The following GRID2 variants were observed in gnomAD, a reference collection of about 807,000 sequenced individuals.
GRID2 encodes glutamate ionotropic receptor delta type subunit 2, also known as glutamate receptor ionotropic, delta-2.
GRID2 carries 33 observed loss-of-function variants against 114.8 expected under a neutral mutation model. The ratio of observed to expected loss-of-function variants is 0.29; its 90% CI spans 0.22 to 0.38. The LOEUF is 0.38. Ranked by LOEUF, GRID2 falls within the 10% of genes least tolerant of loss-of-function variation. The probability of loss-of-function intolerance (pLI) is 1.00; values close to 1 mark genes in which losing one functional copy is unlikely to be tolerated. For synonymous variants in GRID2, 505 were observed against 449.9 expected (o/e 1.12, Z -1.55); for missense variants, 1,184 against 1,257.7 (o/e 0.94, Z 0.89).
At chr4:92,509,688 C>G (rs376675247) in intron 1 of GRID2, among the ~76,000 whole-genome samples, 1 of 151,846 alleles carries the variant, frequency 6.6e-6, no homozygotes, top group African/African-American at 2.4e-5. Flanking sequence ...TTGAAAAGGG[C>G]ATTTCTTTGG....
intron 4 of GRID2, among the ~76,000 whole-genome samples, chr4:93,198,028 A>G (rs1741677959): frequency 6.6e-6 from 1 of 152,128 alleles, no homozygotes; most frequent in Non-Finnish European, 1.5e-5. Context: ...GTTTAGTCCT[A>G]GGTGAGGTAT....
chr4:92,631,003 G>T (rs575440570), intron 2 of GRID2, among the ~76,000 whole-genome samples: 1 of 150,402 alleles, frequency 6.6e-6, no homozygotes, highest in East Asian at 2.0e-4. Context: ...GAGTATTAAT[G>T]AGTATAATGA....
At chr4:92,821,525 C>G (rs1578238109) in intron 2 of GRID2, among the ~76,000 whole-genome samples, 1 of 151,956 alleles carries the variant, frequency 6.6e-6, no homozygotes, top group South Asian at 2.1e-4. Flanking sequence ...GGTAATTGAT[C>G]TTGATTTCAG....
chr4:92,888,932 C>T (rs536042128), intron 2 of GRID2, among the ~76,000 whole-genome samples: 3 of 151,900 alleles, frequency 2.0e-5, no homozygotes, highest in Non-Finnish European at 4.4e-5. Flanking sequence ...CAGATATACA[C>T]ATTTTACAGG....
At chr4:93,224,436 G>C (rs563352286) in intron 6 of GRID2, among the ~76,000 whole-genome samples, 178 bp from the exon 7 acceptor site, 1 of 152,194 alleles carries the variant, frequency 6.6e-6, no homozygotes, top group South Asian at 2.1e-4. Flanking sequence ...AATCAGACAA[G>C]ACTTCATTCT....
intron 2 of GRID2, among the ~76,000 whole-genome samples, chr4:92,727,643 G>A (rs1319834512): frequency 1.3e-5 from 2 of 151,930 alleles, no homozygotes; most frequent in African/African-American, 4.8e-5. Context: ...TGTGTACTTG[G>A]CAATTATAAC....
rs1184003180 is a variant in GRID2 at position 93,638,301 on chromosome 4, C to CTTT, written c.2360+11882_2360+11884dup. 1.3e-4 allele frequency among the ~76,000 whole-genome samples: 10 copies of CTTT among 77,314 alleles called. 1 individual carries two copies. The highest frequency in any genetic ancestry group is 4.1e-4 in the African/African-American group (6 of 14,778). The allele number at this position is 77,314 out of a possible 152,430, so 50.7% of individuals were successfully genotyped here. A position where few individuals can be genotyped will look rare whatever the true frequency, so the allele number is the denominator to read the frequency against. On this transcript the variant is annotated intron_variant, in intron 14 of 15. Coordinates refer to ENST00000282020, the MANE Select transcript of GRID2 (RefSeq NM_001510.4). ...AAGAAAACATATTTAAAACTTGCAT[C>CTTT]TTTTTTTTTTTTTTTTTTAATTATA...
chr4:92,655,466 A>T (rs923865682), intron 2 of GRID2, among the ~76,000 whole-genome samples: 1 of 151,896 alleles, frequency 6.6e-6, no homozygotes, highest in African/African-American at 2.4e-5. Context: ...TCTGCAGATT[A>T]CTTTGAGTAA....
At chr4:93,263,363 T>A (rs1268491113) in intron 8 of GRID2, among the ~76,000 whole-genome samples, 1 of 152,040 alleles carries the variant, frequency 6.6e-6, no homozygotes, top group African/African-American at 2.4e-5. Context: ...ACTCATACCA[T>A]CTGCTTCCTC....
chr4:93,596,817 G>A (rs1429940787), intron 13 of GRID2, among the ~76,000 whole-genome samples: 4 of 152,172 alleles, frequency 2.6e-5, no homozygotes, highest in Non-Finnish European at 2.9e-5. Context: ...CAGATTTAAT[G>A]TATTACATGG....
chr4:93,432,939 G>T (rs1769562141), intron 10 of GRID2, among the ~76,000 whole-genome samples: 1 of 152,080 alleles, frequency 6.6e-6, no homozygotes, highest in Admixed American at 6.6e-5. Flanking sequence ...ACATGGTGGT[G>T]CATGGCTCTA....
chr4:93,372,536 C>CT (rs2149294317), intron 8 of GRID2, among the ~76,000 whole-genome samples: 1 of 152,118 alleles, frequency 6.6e-6, no homozygotes, highest in Admixed American at 6.5e-5. Context: ...CTTCTTTTCT[C>CT]TTTTTTCTGG....
chr4:93,545,542 T>G (rs1047930951), intron 13 of GRID2, among the ~76,000 whole-genome samples: 6 of 152,108 alleles, frequency 3.9e-5, no homozygotes, highest in African/African-American at 1.4e-4. Flanking sequence ...TGATTAGGAG[T>G]TTGAATCTTA....
intron 8 of GRID2, among the ~76,000 whole-genome samples, chr4:93,253,254 T>TA (rs1013293479): frequency 3.9e-5 from 6 of 151,968 alleles, no homozygotes; most frequent in East Asian, 1.9e-4. Context: ...AGACTCTGTC[T>TA]AAAAAAACAA....
chr4:93,458,019 A>C (rs1723370289), intron 11 of GRID2, among the ~76,000 whole-genome samples: 1 of 152,128 alleles, frequency 6.6e-6, no homozygotes, highest in Non-Finnish European at 1.5e-5. Flanking sequence ...CATGGGAGTT[A>C]ATGAGATCAC....
At chr4:93,764,204 T>C (rs1303161393) in intron 14 of GRID2, among the ~76,000 whole-genome samples, 2 of 152,202 alleles carry the variant, frequency 1.3e-5, no homozygotes, top group African/African-American at 4.8e-5. Context: ...AAGAAGGATC[T>C]TTTGATTCCT....
At chr4:92,429,026 C>G (rs959444339) in intron 1 of GRID2, among the ~76,000 whole-genome samples, 8 of 152,116 alleles carry the variant, frequency 5.3e-5, no homozygotes, top group Non-Finnish European at 1.0e-4. Flanking sequence ...CCTCCACCCC[C>G]CGACAGGCCC....
chr4:92,821,442 A>G (rs1055023927), intron 2 of GRID2, among the ~76,000 whole-genome samples: 1 of 152,102 alleles, frequency 6.6e-6, no homozygotes, highest in Non-Finnish European at 1.5e-5. Flanking sequence ...AATTTGTTAC[A>G]GTATTTTTGT....
At chr4:93,189,661 T>A (rs1740778824) in intron 4 of GRID2, among the ~76,000 whole-genome samples, 1 of 152,058 alleles carries the variant, frequency 6.6e-6, no homozygotes, top group South Asian at 2.1e-4. Context: ...AGTATCCACA[T>A]ATCCATTGAT....
Sources: gnomAD v4.1 joint callset for allele counts (sites outside exome capture counted in the v4.1 genomes callset) on GRCh38, gnomAD v4.1.1 for gene constraint, MANE v1.5 for transcripts, NCBI Gene and HGNC (gene_info 2026-07-23, HGNC 2026-07-21) for gene names.